OSBPL3: variants seen among roughly 807,000 people sequenced by gnomAD.
OSBPL3 encodes the protein oxysterol-binding protein-related protein 3.
In OSBPL3, 65 loss-of-function variants were observed where a neutral mutation model predicts 120.1. The observed-to-expected ratio is 0.54, with a 90% confidence interval of 0.44 to 0.67. OSBPL3 has a LOEUF of 0.67. OSBPL3 is among the 30% of genes least tolerant of loss of function. The pLI, the probability that OSBPL3 is intolerant of heterozygous loss-of-function variation, is 0.00. For missense variants in OSBPL3, 1,004 were observed against 1,082.1 expected (o/e 0.93, Z 1.01); for synonymous variants, 416 against 402.6 (o/e 1.03, Z -0.40).
intron 1 of OSBPL3, among the ~76,000 whole-genome samples, chr7:24,921,847 C>T (rs774097429): frequency 1.3e-5 from 2 of 152,184 alleles, no homozygotes; most frequent in Non-Finnish European, 2.9e-5. Flanking sequence ...TTTTAAAGAA[C>T]CTTCCATTCT....
At chr7:24,921,941 G>A (rs929191220) in intron 1 of OSBPL3, among the ~76,000 whole-genome samples, 9 of 152,286 alleles carry the variant, frequency 5.9e-5, no homozygotes, top group East Asian at 1.9e-4. Context: ...AAGTAGATTC[G>A]TGACTTTTGG....
chr7:24,962,803 A>G (rs921516857), intron 1 of OSBPL3, among the ~76,000 whole-genome samples: 17 of 152,220 alleles, frequency 1.1e-4, no homozygotes, highest in Admixed American at 2.0e-4. Flanking sequence ...ACATAAGCCA[A>G]TAAATTTTCT....
Position 24,901,470 on chromosome 7 carries a change from G to T in OSBPL3, c.-149-8849C>A, listed in dbSNP as rs138575809. ...CATTAGCTGCAATCTGGTCATAAAA[G>T]TCAACACATATGTACCTGTCTTTGA... On this transcript the variant is annotated intron_variant, in intron 1 of 22. Coordinates refer to ENST00000313367, the MANE Select transcript of OSBPL3 (RefSeq NM_015550.4). 5.3e-5 allele frequency among the ~76,000 whole-genome samples: 8 copies of T among 152,286 alleles called. No individual in the cohort carries two copies. In the East Asian group the frequency reaches 1.5e-3, roughly 29 times the overall value.
In OSBPL3 at chr7:24,871,638, G is replaced by A; in HGVS notation, c.267+104C>T. 1 of 864,626 alleles carries A rather than the reference G, an allele frequency of 1.2e-6. No individual in the cohort carries two copies. The highest frequency in any genetic ancestry group is 2.2e-5 in the Admixed American group (1 of 44,744). 53.6% of individuals were successfully genotyped at this position (864,626 alleles called of 1,614,324 possible). A position where few individuals can be genotyped will look rare whatever the true frequency, so the allele number is the denominator to read the frequency against. ...AAGTGTTTCCCCTCTATGGTTTCCAGTTCCGAGAAAAGCTATCCTCAACTA... is the reference window on the plus strand; with the variant it reads ...AAGTGTTTCCCCTCTATGGTTTCCAATTCCGAGAAAAGCTATCCTCAACTA... On this transcript the variant is annotated intron_variant, in intron 4 of 22. Transcript: ENST00000313367. This position sits in a 1 kb window ranked among gnomAD's most constrained non-coding sequence, Gnocchi z 4.8.
rs1174010342 is a variant in OSBPL3 at position 24,894,923 on chromosome 7, A to G, written c.-149-2302T>C. ...AGTAGGCCAAATCCAATAGCTATCAAAGTTGGCACTTAGAGCCAAGGGCTC... is the reference window on the plus strand; with the variant it reads ...AGTAGGCCAAATCCAATAGCTATCAGAGTTGGCACTTAGAGCCAAGGGCTC... On this transcript the variant is annotated intron_variant, in intron 1 of 22. Coordinates refer to ENST00000313367, the MANE Select transcript of OSBPL3 (RefSeq NM_015550.4). The surrounding 1 kb of genome is among the most constrained non-coding windows in gnomAD (Gnocchi z 4.1). Among the ~76,000 whole-genome samples, 1 of 152,146 alleles carries G rather than the reference A, an allele frequency of 6.6e-6. No homozygotes were observed. Among genetic ancestry groups the G allele is most frequent in the East Asian group, 1.9e-4 (1 of 5,184 alleles).
rs751691936 is a variant in OSBPL3, at chr7:24,816,617, G to C, written c.2020C>G (p.Leu674Val). ...CACAGAAGAAGAACTTACACTGGCA[G>C]AGTCACATGGGTTGTGCCAATTGGA... Reference protein sequence around the residue: ...IVPIGTTHVTLPVFGDHFEWN... With the variant: ...IVPIGTTHVTVPVFGDHFEWN... The change falls in exon 18 of 23, where the codon CTG becomes GTG. Residue 674 changes from leucine to valine, a missense_variant. By Grantham distance (32) the Leu-to-Val change is conservative. Around this residue, in one of 4 missense-constraint regions of OSBPL3, gnomAD observed 473 missense variants for 568.0 expected, o/e 0.83. Coordinates refer to ENST00000313367, the MANE Select transcript of OSBPL3 (RefSeq NM_015550.4). 2.5e-6 allele frequency: 4 copies of C among 1,609,482 alleles called. No homozygotes were observed. The highest frequency in any genetic ancestry group is 3.4e-6 in the Non-Finnish European group (4 of 1,175,886).
In OSBPL3 at chr7:24,806,729, A is replaced by G. The variant is rs200836085; in HGVS notation, c.2444+47T>C. ...AAGGATTGTTAATAAGACTTTTTGT[A>G]AAGGGTTTTACATCTCTGGAGAGAA... On this transcript the variant is annotated intron_variant, in intron 21 of 22. Transcript: ENST00000313367. The surrounding 1 kb of genome is among the most constrained non-coding windows in gnomAD (Gnocchi z 5.2). The G allele has an allele frequency of 1.9e-6, 3 of 1,578,566 alleles. No homozygotes were observed. The highest frequency in any genetic ancestry group is 1.2e-5 in the South Asian group (1 of 86,218).
At chr7:24,957,717 GAAC>G (rs1392959840) in intron 1 of OSBPL3, among the ~76,000 whole-genome samples, 1 of 151,976 alleles carries the variant, frequency 6.6e-6, no homozygotes, top group African/African-American at 2.4e-5. Flanking sequence ...GTTACTGTGA[GAAC>G]AGCAACCAAA....
Position 24,852,449 on chromosome 7 carries a change from C to A in OSBPL3, c.1158+55G>T. On this transcript the variant is annotated intron_variant, in intron 11 of 22. Transcript: ENST00000313367. This position sits in a 1 kb window ranked among gnomAD's most constrained non-coding sequence, Gnocchi z 4.1. The stretch of plus-strand genomic sequence containing the variant: ...AATCATGGAAATAGAAATTACAAAC[C>A]ATTCATGAGCCTGGACACATCTCAG... The A allele has an allele frequency of 1.5e-6, 2 of 1,354,528 alleles. No individual in the cohort carries two copies. Among genetic ancestry groups the A allele is most frequent in the Non-Finnish European group, 1.9e-6 (2 of 1,035,502 alleles). The allele number at this position is 1,354,528 out of a possible 1,614,324, so 83.9% of individuals were successfully genotyped here. A position where few individuals can be genotyped will look rare whatever the true frequency, so the allele number is the denominator to read the frequency against.
rs17150224 is a variant in OSBPL3 at position 24,818,825 on chromosome 7, T to C, written c.1948+1350A>G. ...GCAAGATTTGGGAATCCTAGGCCCA[T>C]GGAAATAGGTAGATTGCTCAGGAAA... is the stretch of plus-strand genomic sequence containing the variant. On this transcript the variant is annotated intron_variant, in intron 17 of 22. Coordinates refer to ENST00000313367, the MANE Select transcript of OSBPL3 (RefSeq NM_015550.4). The surrounding 1 kb of genome is among the most constrained non-coding windows in gnomAD (Gnocchi z 4.0). Among the ~76,000 whole-genome samples, 2,255 of 152,150 alleles carry C rather than the reference T, an allele frequency of 0.015. 48 individuals carry two copies. The highest frequency in any genetic ancestry group is 0.051 in the African/African-American group (2,107 of 41,478).
At position 24,930,415 on chromosome 7, in the gene OSBPL3, T is replaced by G. The variant is rs1811644916; in HGVS notation, c.-149-37794A>C. ...TTACACTTAACAAAGGTTTCCCATC[T>G]CTTGTTCTAAAGATATCTCAAAATA... On this transcript the variant is annotated intron_variant, in intron 1 of 22. Coordinates refer to ENST00000313367, the MANE Select transcript of OSBPL3 (RefSeq NM_015550.4). This position sits in a 1 kb window ranked among gnomAD's most constrained non-coding sequence, Gnocchi z 4.4. Among the ~76,000 whole-genome samples, 1 of 152,112 alleles carries G rather than the reference T, an allele frequency of 6.6e-6. No individual in the cohort carries two copies.
At chr7:24,975,793 T>TA (rs1817524468) in intron 1 of OSBPL3, among the ~76,000 whole-genome samples, 1 of 152,116 alleles carries the variant, frequency 6.6e-6, no homozygotes, top group Non-Finnish European at 1.5e-5. Flanking sequence ...TCTCATATTT[T>TA]AAAAAAACAA....
chr7:24,852,517 T>C lies in OSBPL3; in HGVS notation c.1145A>G (p.Asn382Ser). ...SPSAQVIGLKNALSSALAQNT... is the reference protein window; with the variant it reads ...SPSAQVIGLKSALSSALAQNT... ...CATGTAACTTACGGATGACAGGGCG[T>C]TCTTCAGACCAATGACCTGAGCAGA... The change falls in exon 11 of 23, where the codon AAC (asparagine) becomes AGC (serine). Residue 382 changes from asparagine (N) to serine (S), a missense_variant. By Grantham distance (46) the Asn-to-Ser change is conservative. This residue lies in a region of OSBPL3 where 272 missense variants were observed against 248.8 expected (regional missense o/e 1.09). Coordinates refer to ENST00000313367, the MANE Select transcript of OSBPL3 (RefSeq NM_015550.4). The surrounding 1 kb of genome is among the most constrained non-coding windows in gnomAD (Gnocchi z 4.1). 6.3e-7 allele frequency: 1 copy of C among 1,583,378 alleles called. No homozygotes were observed. The highest frequency in any genetic ancestry group is 8.5e-7 in the Non-Finnish European group (1 of 1,171,456).
At chr7:24,841,711 A>AG (rs1797783975) in intron 13 of OSBPL3, among the ~76,000 whole-genome samples, 2 of 146,560 alleles carry the variant, frequency 1.4e-5, no homozygotes. Flanking sequence ...AAAAAAAAAA[A>AG]AAAAAAAAAA....
rs757289955 is a variant in OSBPL3 at position 24,815,970 on chromosome 7, C to T, written c.2027+640G>A. Among the ~76,000 whole-genome samples the T allele has an allele frequency of 2.6e-5, 4 of 152,166 alleles. No individual in the cohort carries two copies. The highest frequency in any genetic ancestry group is 1.3e-4 in the Admixed American group (2 of 15,274). On this transcript the variant is annotated intron_variant, in intron 18 of 22. Transcript: ENST00000313367. This position sits in a 1 kb window ranked among gnomAD's most constrained non-coding sequence, Gnocchi z 5.1. ...TCAATCATCCCTATCAGATCAAGGC[C>T]ATACTTTTCTTAAAAGGGATTTTGA...
chr7:24,941,611 A>C (rs1813118899), intron 1 of OSBPL3, among the ~76,000 whole-genome samples: 1 of 152,216 alleles, frequency 6.6e-6, no homozygotes, highest in Admixed American at 6.5e-5. Context: ...TCAAGCTCTT[A>C]TAGCACCTGC....
In OSBPL3 at chr7:24,805,597, A is replaced by G. The variant is rs778866725; in HGVS notation, c.2445-1160T>C. On this transcript the variant is annotated intron_variant, in intron 21 of 22. Transcript: ENST00000313367. This position sits in a 1 kb window ranked among gnomAD's most constrained non-coding sequence, Gnocchi z 4.0. ...TTTATACAAAAAATACTTCCCTAAA[A>G]AAGTAGACAAACTGCACGAAACAGT... Among the ~76,000 whole-genome samples, 1 of 152,206 alleles carries G rather than the reference A, an allele frequency of 6.6e-6. No homozygotes were observed. The highest frequency in any genetic ancestry group is 2.4e-5 in the African/African-American group (1 of 41,442).
At chr7:24,931,739 T>G (rs573006484) in intron 1 of OSBPL3, among the ~76,000 whole-genome samples, 10 of 151,912 alleles carry the variant, frequency 6.6e-5, no homozygotes, top group African/African-American at 2.4e-4. Context: ...AGGCAACTAA[T>G]ATAGTCTTTC....
intron 14 of OSBPL3, among the ~76,000 whole-genome samples, chr7:24,837,947 A>G (rs1797218376): frequency 6.6e-6 from 1 of 152,110 alleles, no homozygotes; most frequent in South Asian, 2.1e-4. Context: ...AATAGGAAAC[A>G]CTCTAAAAAC....
Sources: gnomAD v4.1 joint callset for allele counts (sites outside exome capture counted in the v4.1 genomes callset) on GRCh38, gnomAD v4.1.1 for gene constraint, gnomAD v4.1.1 regional missense constraint, Gnocchi (gnomAD v3.1) non-coding constraint, MANE v1.5 for transcripts, NCBI Gene and HGNC (gene_info 2026-07-23, HGNC 2026-07-21) for gene names.